Variants in FZR1 observed in about 807,000 individuals in gnomAD.
FZR1 encodes the protein fizzy and cell division cycle 20 related 1.
FZR1 carries 11 observed loss-of-function variants against 63.6 expected under a neutral mutation model. That is an observed-to-expected ratio of 0.17 (90% CI 0.11 to 0.29). FZR1 has a LOEUF of 0.29. Ranked by LOEUF, FZR1 falls within the 10% of genes least tolerant of loss-of-function variation. The pLI is 1.00. For synonymous variants in FZR1, 328 were observed against 297.9 expected (o/e 1.10, Z -1.04); for missense variants, 440 against 687.5 (o/e 0.64, Z 4.03).
rs1048462907 is a variant in FZR1, at chr19:3,536,972, G to C, written c.*2136G>C. ...CACAATCCTGCAGGGCCAAGGACTGGACTCCAGGCAAGTCCCTGCGCTCCA... is the reference window on the plus strand; with the variant it reads ...CACAATCCTGCAGGGCCAAGGACTGCACTCCAGGCAAGTCCCTGCGCTCCA... On this transcript the variant is annotated 3_prime_UTR_variant, in exon 14 of 14. Transcript: ENST00000441788. 6.8e-6 allele frequency: 1 copy of C among 147,630 alleles called. No individual in the cohort carries two copies. The highest frequency in any genetic ancestry group is 2.2e-4 in the East Asian group (1 of 4,648). 9.1% of individuals were successfully genotyped at this position (147,630 alleles called of 1,614,324 possible).
chr19:3,534,913 C>A lies in FZR1; in HGVS notation c.*77C>A. ...AGCTCCTCAGCTTGCATGGACTCTG[C>A]CTTCCCAGCGCTTGTCCCCCGAGGA... On this transcript the variant is annotated 3_prime_UTR_variant, in exon 14 of 14. Transcript: ENST00000441788. 1 of 1,191,884 alleles carries A rather than the reference C, an allele frequency of 8.4e-7. No individual in the cohort carries two copies. The highest frequency in any genetic ancestry group is 1.2e-6 in the Non-Finnish European group (1 of 803,094). The allele number at this position is 1,191,884 out of a possible 1,614,324, so 73.8% of individuals were successfully genotyped here.
At chr19:3,522,451 C>G (rs2083111233) in intron 1 of FZR1, among the ~76,000 whole-genome samples, 1 of 152,200 alleles carries the variant, frequency 6.6e-6, no homozygotes, top group African/African-American at 2.4e-5. Context: ...CCACAGGAGG[C>G]TGATGTCCCT....
intron 7 of FZR1, among the ~76,000 whole-genome samples, chr19:3,529,099 T>TGGGA: frequency 2.1e-5 from 1 of 46,584 alleles, no homozygotes; most frequent in African/African-American, 8.3e-5. Context: ...AGCAGACGGT[T>TGGGA]GAGCGGATGG....
rs1242724434 is a variant in FZR1 at position 3,529,687 on chromosome 19, A to AGCGG, written c.655-1104_655-1103insCGGG. ...GTGAGTGGATGAGAGTGGTTGAGGG[A>AGCGG]GTGGATGGTTGAGCGGATGGGAGAG... is the stretch of plus-strand genomic sequence containing the variant. On this transcript the variant is annotated intron_variant, in intron 7 of 13. Coordinates refer to ENST00000441788, the MANE Select transcript of FZR1 (RefSeq NM_016263.4). 1.2e-3 allele frequency among the ~76,000 whole-genome samples: 173 copies of AGCGG among 144,682 alleles called. 7 individuals carry two copies. The highest frequency in any genetic ancestry group is 4.3e-3 in the African/African-American group (164 of 37,934). The allele number at this position is 144,682 out of a possible 152,430, so 94.9% of individuals were successfully genotyped here.
At chr19:3,507,224 C>A (rs1331445430) in intron 1 of FZR1, among the ~76,000 whole-genome samples, 4 of 150,888 alleles carry the variant, frequency 2.7e-5, no homozygotes, top group Non-Finnish European at 4.4e-5. Context: ...ACGAGCTATC[C>A]GTGCACAAGC....
chr19:3,526,053 C>T lies in FZR1; in HGVS notation c.195+60C>T, dbSNP rs1235559403. 2 of 1,611,728 alleles carry T rather than the reference C, an allele frequency of 1.2e-6. No individual in the cohort carries two copies. The highest frequency in any genetic ancestry group is 2.2e-5 in the East Asian group (1 of 44,864). ...CGGGAAGCCCAGGGCCCCTCCCAGC[C>T]TCCTTGCTCTAGGGCCGGGAACAAG... On this transcript the variant is annotated intron_variant, in intron 3 of 13. Coordinates refer to ENST00000441788, the MANE Select transcript of FZR1 (RefSeq NM_016263.4). The surrounding 1 kb of genome is among the most constrained non-coding windows in gnomAD (Gnocchi z 5.4).
At chr19:3,534,243 AAAAAG>A (rs2083275217) in intron 12 of FZR1, 173 bp from the exon 13 acceptor site, 3 of 452,964 alleles carry the variant, frequency 6.6e-6, no homozygotes, top group Non-Finnish European at 1.2e-5. Context: ...AAAAAAAAAA[AAAAAG>A]GCTCCAACCT....
chr19:3,531,869 G>A (rs1053025506), intron 9 of FZR1, 42 bp from the exon 10 acceptor site: 9 of 1,560,916 alleles, frequency 5.8e-6, no homozygotes, highest in Admixed American at 5.8e-5. Context: ...CCAGCTCCGC[G>A]AGGGCAGGAG....
intron 1 of FZR1, among the ~76,000 whole-genome samples, chr19:3,507,218 G>A (rs1239500287): frequency 7.0e-6 from 1 of 142,262 alleles, no homozygotes; most frequent in Admixed American, 7.6e-5. Context: ...CCTCAGACGA[G>A]CTATCCGTGC....
intron 7 of FZR1, 37 bp downstream of exon 7, chr19:3,527,851 CT>C: frequency 6.6e-7 from 1 of 1,512,652 alleles, no homozygotes; most frequent in Non-Finnish European, 9.1e-7. Flanking sequence ...GCATGGGGGC[CT>C]CCCCAGCTCC....
intron 7 of FZR1, among the ~76,000 whole-genome samples, chr19:3,529,083 T>A (rs375082279): frequency 7.5e-6 from 1 of 133,000 alleles, no homozygotes; most frequent in Non-Finnish European, 1.5e-5. Flanking sequence ...GGAGAGCGGA[T>A]GGGAGAGCAG....
Position 3,533,522 on chromosome 19 carries a change from C to T in FZR1, c.1347+124C>T, listed in dbSNP as rs2083268322. On this transcript the variant is annotated intron_variant, in intron 12 of 13. Coordinates refer to ENST00000441788, the MANE Select transcript of FZR1 (RefSeq NM_016263.4). The surrounding 1 kb of genome is among the most constrained non-coding windows in gnomAD (Gnocchi z 4.9). ...GTGCAGATCTAAAACCCCGTGGGAC[C>T]CAGCAGCAGGGGCCGGCAGGGCATC... 2 of 645,726 alleles carry T rather than the reference C, an allele frequency of 3.1e-6. No individual in the cohort carries two copies. The highest frequency in any genetic ancestry group is 2.8e-5 in the East Asian group (1 of 35,516). The allele number at this position is 645,726 out of a possible 1,614,324, so 40.0% of individuals were successfully genotyped here.
chr19:3,523,769 T>C lies in FZR1; in HGVS notation c.69+711T>C, dbSNP rs144633922. Among the ~76,000 whole-genome samples the C allele has an allele frequency of 5.4e-3, 824 of 152,370 alleles. 5 individuals are homozygous for C. Among genetic ancestry groups the C allele is most frequent in the Non-Finnish European group, 8.9e-3 (604 of 68,028 alleles). ...CCTGCATAGACGGGTCTGAGGGGCA[T>C]GGGCCTTTGGGGAGGGGCTGTCCCA... On this transcript the variant is annotated intron_variant, in intron 2 of 13. Coordinates refer to ENST00000441788, the MANE Select transcript of FZR1 (RefSeq NM_016263.4).
Position 3,525,808 on chromosome 19 carries a change from TGGGGGCACTCTC to T in FZR1, c.70-54_70-43del, listed in dbSNP as rs1415756384. 1 of 1,582,008 alleles carries T rather than the reference TGGGGGCACTCTC, an allele frequency of 6.3e-7. No individual in the cohort carries two copies. The highest frequency in any genetic ancestry group is 8.6e-7 in the Non-Finnish European group (1 of 1,166,552). ...GGCCAGAGGCTGAGAGAGGCTGGCC[TGGGGGCACTCTC>T]GGGGGGCTCTCGGTGCTGAGAGCAA... is the stretch of plus-strand genomic sequence containing the variant. On this transcript the variant is annotated intron_variant, in intron 2 of 13. Transcript: ENST00000441788. This position sits in a 1 kb window ranked among gnomAD's most constrained non-coding sequence, Gnocchi z 4.2.
chr19:3,513,536 A>G (rs1001141268), intron 1 of FZR1, among the ~76,000 whole-genome samples: 1 of 152,250 alleles, frequency 6.6e-6, no homozygotes, highest in Admixed American at 6.5e-5. Context: ...CCAAGATGCA[A>G]TGGCGCCTGC....
At chr19:3,528,461 C>T (rs533444217) in intron 7 of FZR1, among the ~76,000 whole-genome samples, 9 of 152,368 alleles carry the variant, frequency 5.9e-5, no homozygotes, top group Admixed American at 2.6e-4. Flanking sequence ...CAGCAGGAGC[C>T]GTGTAGCTCT....
At chr19:3,530,405 A>T (rs1361604687) in intron 7 of FZR1, among the ~76,000 whole-genome samples, 73 of 112,300 alleles carry the variant, frequency 6.5e-4, no homozygotes, top group East Asian at 2.2e-3. Flanking sequence ...AGCGGATGGG[A>T]GAGCGCATGG....
intron 7 of FZR1, among the ~76,000 whole-genome samples, chr19:3,530,372 GCGGA>G (rs1225852541): frequency 8.4e-4 from 117 of 139,972 alleles, no homozygotes; most frequent in South Asian, 1.9e-3. Flanking sequence ...GGATGGGAGA[GCGGA>G]TGGGTGAGCA....
At position 3,530,788 on chromosome 19, in the gene FZR1, C is replaced by T; in HGVS notation, c.655-4C>T. 6.2e-7 allele frequency: 1 copy of T among 1,612,130 alleles called. No individual in the cohort carries two copies. Among genetic ancestry groups the T allele is most frequent in the East Asian group, 2.2e-5 (1 of 44,844 alleles). ...GCAAAGCTCACACTGACCTCTGCCT[C>T]CAGGTGACGCGGCTCTGTGACCTCT... On this transcript the variant is annotated splice_region_variant and splice_polypyrimidine_tract_variant and intron_variant, in intron 7 of 13. Coordinates refer to ENST00000441788, the MANE Select transcript of FZR1 (RefSeq NM_016263.4).
Sources: gnomAD v4.1 joint callset for allele counts (sites outside exome capture counted in the v4.1 genomes callset) on GRCh38, gnomAD v4.1.1 for gene constraint, Gnocchi (gnomAD v3.1) non-coding constraint, MANE v1.5 for transcripts, NCBI Gene and HGNC (gene_info 2026-07-23, HGNC 2026-07-21) for gene names.